Variants in TENM2 observed in about 807,000 individuals in gnomAD.
The protein encoded by TENM2 is teneurin-2.
In TENM2, 52 loss-of-function variants were observed where a neutral mutation model predicts 245.2. The ratio of observed to expected loss-of-function variants is 0.21; its 90% CI spans 0.17 to 0.27. The LOEUF (loss-of-function observed/expected upper bound fraction) is 0.27, where lower values mean the gene tolerates loss of function less well. Ranked by LOEUF, TENM2 falls within the 10% of genes least tolerant of loss-of-function variation. TENM2 has a pLI of 1.00. For missense variants in TENM2, 3,046 were observed against 3,666.8 expected, an observed-to-expected ratio of 0.83 and a Z score of 4.37; for synonymous variants, 1,363 against 1,438.9, an observed-to-expected ratio of 0.95 and a Z score of 1.19.
the TENM2 span, among the ~76,000 whole-genome samples, chr5:167,071,879 C>CCG: frequency 1.6e-4 from 7 of 44,534 alleles, no homozygotes; most frequent in Non-Finnish European, 3.2e-4. Flanking sequence ...TGACAAATCG[C>CCG]CCCCCCCCGC....
At chr5:167,946,506 G>A (rs1779635960) in intron 3 of TENM2, among the ~76,000 whole-genome samples, 1 of 152,134 alleles carries the variant, frequency 6.6e-6, no homozygotes, top group Non-Finnish European at 1.5e-5. Context: ...GCTTTGAGGT[G>A]GGCGATTCCC....
intron 2 of TENM2, among the ~76,000 whole-genome samples, chr5:167,752,539 A>G (rs1423997896): frequency 2.6e-5 from 4 of 152,134 alleles, no homozygotes; most frequent in Non-Finnish European, 5.9e-5. Flanking sequence ...GTTAGCTGTG[A>G]TGGAAAACCT....
At chr5:167,706,752 C>T (rs1382063960) in intron 2 of TENM2, among the ~76,000 whole-genome samples, 1 of 151,790 alleles carries the variant, frequency 6.6e-6, no homozygotes, top group Non-Finnish European at 1.5e-5. Flanking sequence ...CGGTGGCTCA[C>T]GCCTGTAATC....
At chr5:167,390,611 T>C (rs1453284583) in intron 2 of TENM2, among the ~76,000 whole-genome samples, 1 of 152,160 alleles carries the variant, frequency 6.6e-6, no homozygotes, top group African/African-American at 2.4e-5. Flanking sequence ...AAAATAAGCA[T>C]GTGGAAGCAA....
At chr5:167,210,808 A>C in the TENM2 span, among the ~76,000 whole-genome samples, 1 of 152,168 alleles carries the variant, frequency 6.6e-6, no homozygotes, top group Non-Finnish European at 1.5e-5. Context: ...TTTTCTATGA[A>C]GTTTAAGCAT....
chr5:167,463,390 A>G (rs1409767684), intron 2 of TENM2, among the ~76,000 whole-genome samples: 2 of 152,234 alleles, frequency 1.3e-5, no homozygotes, highest in African/African-American at 4.8e-5. Flanking sequence ...GTAATTGCCC[A>G]TAGAAGAGTA....
intron 1 of TENM2, among the ~76,000 whole-genome samples, chr5:167,351,165 GGGATATATACATATGGGATATATAT>G (rs1758887099): frequency 6.9e-6 from 1 of 145,946 alleles, no homozygotes. Flanking sequence ...ATATATATAT[GGGATATATACATATGGGATATATAT>G]GGATATATAT....
intron 7 of TENM2, among the ~76,000 whole-genome samples, chr5:168,072,007 G>A (rs574155528): frequency 6.6e-5 from 10 of 152,160 alleles, no homozygotes; most frequent in Admixed American, 6.6e-4. Flanking sequence ...TCTGTTCCTC[G>A]TTAGGGCTTG....
At chr5:167,690,831 G>A (rs560847118) in intron 2 of TENM2, among the ~76,000 whole-genome samples, 17 of 151,160 alleles carry the variant, frequency 1.1e-4, no homozygotes, top group Non-Finnish European at 2.2e-4. Flanking sequence ...TTACACACAC[G>A]CAATCACACA....
At chr5:167,370,014 T>C (rs561061740) in intron 1 of TENM2, among the ~76,000 whole-genome samples, 3 of 152,294 alleles carry the variant, frequency 2.0e-5, no homozygotes, top group South Asian at 4.1e-4. Context: ...GGTCAAAGAA[T>C]GACCCTTGAA....
chr5:167,746,074 T>C (rs1410978214), intron 2 of TENM2, among the ~76,000 whole-genome samples: 1 of 152,202 alleles, frequency 6.6e-6, no homozygotes, highest in Non-Finnish European at 1.5e-5. Context: ...ACTGCTGAGA[T>C]AGGAATTTTA....
chr5:168,244,287 A>T lies in TENM2; in HGVS notation c.5521-133A>T. ...CATGATAAGGAGCTTAGAAAGCACTACTCTAACTTTGGGGTTATTTCTTCC... is the reference window on the plus strand; with the variant it reads ...CATGATAAGGAGCTTAGAAAGCACTTCTCTAACTTTGGGGTTATTTCTTCC... On this transcript the variant is annotated intron_variant, in intron 25 of 28. Transcript: ENST00000518659. The surrounding 1 kb of genome is among the most constrained non-coding windows in gnomAD (Gnocchi z 4.9). The T allele has an allele frequency of 1.3e-6, 1 of 743,170 alleles. No homozygotes were observed. The highest frequency in any genetic ancestry group is 2.0e-6 in the Non-Finnish European group (1 of 505,390). The allele number at this position is 743,170 out of a possible 1,614,324, so 46.0% of individuals were successfully genotyped here.
At chr5:168,104,556 G>C (rs1296034422) in intron 9 of TENM2, among the ~76,000 whole-genome samples, 1 of 152,214 alleles carries the variant, frequency 6.6e-6, no homozygotes, top group Non-Finnish European at 1.5e-5. Flanking sequence ...GACCGGGTAT[G>C]TGTCCAAGTG....
At chr5:167,402,420 A>G (rs1762412819) in intron 2 of TENM2, among the ~76,000 whole-genome samples, 1 of 152,170 alleles carries the variant, frequency 6.6e-6, no homozygotes, top group East Asian at 1.9e-4. Flanking sequence ...AGTGAGAAGT[A>G]TGTATGAAGG....
intron 4 of TENM2, among the ~76,000 whole-genome samples, chr5:167,962,723 G>A (rs890694675): frequency 6.6e-6 from 1 of 152,098 alleles, no homozygotes; most frequent in Non-Finnish European, 1.5e-5. Flanking sequence ...CTGAGCAAAA[G>A]GGGTGAAAAC....
intron 2 of TENM2, among the ~76,000 whole-genome samples, chr5:167,801,119 T>TAA (rs1765725521): frequency 2.1e-5 from 1 of 47,982 alleles, no homozygotes; most frequent in Non-Finnish European, 3.6e-5. Context: ...AATATATATA[T>TAA]ATATATATAT....
At chr5:168,169,364 G>A (rs2152466463) in intron 13 of TENM2, among the ~76,000 whole-genome samples, 1 of 152,268 alleles carries the variant, frequency 6.6e-6, no homozygotes, top group South Asian at 2.1e-4. Flanking sequence ...GCAAGGCTCG[G>A]TTCCTTGGTT....
intron 2 of TENM2, among the ~76,000 whole-genome samples, chr5:167,404,601 G>C (rs1313546484): frequency 6.6e-6 from 1 of 152,100 alleles, no homozygotes; most frequent in Admixed American, 6.6e-5. Context: ...GCATGAAACT[G>C]TATTTTTCAC....
At chr5:167,258,008 G>GA in the TENM2 span, among the ~76,000 whole-genome samples, 147 of 151,850 alleles carry the variant, frequency 9.7e-4, no homozygotes, top group African/African-American at 3.4e-3. Context: ...GACGGGGGAG[G>GA]AAATGGCCAT....
Sources: allele counts gnomAD v4.1 joint callset (sites outside exome capture counted in the v4.1 genomes callset), GRCh38; gene constraint gnomAD v4.1.1; non-coding constraint Gnocchi (gnomAD v3.1); transcripts MANE v1.5; gene names NCBI Gene and HGNC (gene_info 2026-07-23, HGNC 2026-07-21).